SPECC1: variants seen among roughly 807,000 people sequenced by gnomAD.
SPECC1 encodes the protein cytospin-B.
Under a neutral mutation model 104.1 loss-of-function variants are expected in SPECC1, and 62 were observed. The observed-to-expected ratio is 0.60, with a 90% CI of 0.49 to 0.74. SPECC1 has a LOEUF of 0.74. Among genes scored for constraint, SPECC1 ranks in the 30% least tolerant of loss-of-function variants. The probability of loss-of-function intolerance (pLI) is 0.00; values close to 1 mark genes in which losing one functional copy is unlikely to be tolerated. For synonymous variants in SPECC1, 513 were observed against 501.6 expected, an observed-to-expected ratio of 1.02 and a Z score of -0.30; for missense variants, 1,306 against 1,310.5, an observed-to-expected ratio of 1.00 and a Z score of 0.05.
intron 12 of SPECC1, among the ~76,000 whole-genome samples, chr17:20,267,803 C>T (rs1482305179): frequency 6.6e-6 from 1 of 152,162 alleles, no homozygotes. Context: ...TGTGTAGTGC[C>T]ACCGGGTCCT....
chr17:20,136,225 A>G (rs1001594962), intron 3 of SPECC1, among the ~76,000 whole-genome samples: 1 of 152,104 alleles, frequency 6.6e-6, no homozygotes, highest in African/African-American at 2.4e-5. Flanking sequence ...GGAGTTCAAG[A>G]CCATCCTGAC....
At chr17:20,091,825 A>C (rs997572153) in intron 1 of SPECC1, among the ~76,000 whole-genome samples, 1 of 151,242 alleles carries the variant, frequency 6.6e-6, no homozygotes, top group Non-Finnish European at 1.5e-5. Context: ...ACTCCTGGAG[A>C]CTCGTCATTA....
intron 3 of SPECC1, chr17:20,155,819 C>A: frequency 1.4e-6 from 1 of 695,402 alleles, no homozygotes; most frequent in Non-Finnish European, 1.8e-6. Flanking sequence ...GCCGGTCAGC[C>A]GGTGCGTCCC....
At chr17:20,248,328 T>C (rs1194192504) in intron 9 of SPECC1, among the ~76,000 whole-genome samples, 3 of 152,140 alleles carry the variant, frequency 2.0e-5, no homozygotes, top group Non-Finnish European at 4.4e-5. Context: ...GTACACCCTT[T>C]AGCTTCCCAG....
At chr17:20,113,428 C>T (rs2048592651) in intron 3 of SPECC1, among the ~76,000 whole-genome samples, 1 of 151,968 alleles carries the variant, frequency 6.6e-6, no homozygotes, top group South Asian at 2.1e-4. Context: ...ATTGTAAAAA[C>T]TTTACGAAAA....
At chr17:20,062,822 A>G (rs930574068) in intron 1 of SPECC1, among the ~76,000 whole-genome samples, 2 of 151,862 alleles carry the variant, frequency 1.3e-5, no homozygotes, top group Admixed American at 1.3e-4. Flanking sequence ...CCGAGTAGCA[A>G]GGATTACAGG....
chr17:20,033,846 G>C (rs996614349), intron 1 of SPECC1, among the ~76,000 whole-genome samples: 1 of 152,104 alleles, frequency 6.6e-6, no homozygotes, highest in Non-Finnish European at 1.5e-5. Flanking sequence ...ACCCTAACAG[G>C]GTTAAACCCC....
chr17:20,148,493 C>G lies in SPECC1; in HGVS notation c.283+37931C>G, dbSNP rs146694045. On this transcript the variant is annotated intron_variant, in intron 3 of 14. Transcript: ENST00000395527. ...TTATTTTAACATTTATGTATTTTTCCAAATAAATGTATTTTTAACTCAAAA... is the reference window on the plus strand; with the variant it reads ...TTATTTTAACATTTATGTATTTTTCGAAATAAATGTATTTTTAACTCAAAA... Among the ~76,000 whole-genome samples the G allele has an allele frequency of 8.1e-3, 1,147 of 141,634 alleles. 17 individuals are homozygous for G. The highest frequency in any genetic ancestry group is 0.029 in the African/African-American group (1,092 of 37,786). The allele number at this position is 141,634 out of a possible 152,430, so 92.9% of individuals were successfully genotyped here. A position where few individuals can be genotyped will look rare whatever the true frequency, so the allele number is the denominator to read the frequency against.
chr17:20,315,111 C>T lies in SPECC1; in HGVS notation c.*1046C>T, dbSNP rs2042023466. The T allele has an allele frequency of 4.3e-6, 1 of 233,044 alleles. No individual in the cohort carries two copies. The highest frequency in any genetic ancestry group is 8.5e-6 in the Non-Finnish European group (1 of 117,976). The allele number at this position is 233,044 out of a possible 1,614,324, so 14.4% of individuals were successfully genotyped here. On this transcript the variant is annotated 3_prime_UTR_variant, in exon 15 of 15. Transcript: ENST00000395527. Reference sequence around the variant, plus strand: ...ACAGGAGGTCACATGTGTGAATGGCCTGTGTCTGCTTTACAGGGTTGAGCA... The same window carrying T: ...ACAGGAGGTCACATGTGTGAATGGCTTGTGTCTGCTTTACAGGGTTGAGCA...
At chr17:20,015,610 A>G (rs1440104881) in intron 1 of SPECC1, among the ~76,000 whole-genome samples, 2 of 69,648 alleles carry the variant, frequency 2.9e-5, no homozygotes, top group Non-Finnish European at 6.4e-5. Context: ...TTTGAGGTGG[A>G]GTCTCGCTCT....
At chr17:20,111,763 T>TG in intron 3 of SPECC1, 1 of 596,560 alleles carries the variant, frequency 1.7e-6, no homozygotes. Flanking sequence ...GAGAAAAAGG[T>TG]GGGAGGAGGA....
At chr17:20,154,397 T>C (rs1249967010) in intron 3 of SPECC1, among the ~76,000 whole-genome samples, 1 of 152,142 alleles carries the variant, frequency 6.6e-6, no homozygotes, top group East Asian at 1.9e-4. Flanking sequence ...ATAAGGTCTA[T>C]GCAGTGTAGG....
At chr17:20,017,945 C>G (rs2044212871) in intron 1 of SPECC1, 1 of 152,266 alleles carries the variant, frequency 6.6e-6, no homozygotes, top group African/African-American at 2.4e-5. Context: ...TTTATGTGTT[C>G]ATCTTCGAAG....
intron 3 of SPECC1, among the ~76,000 whole-genome samples, chr17:20,181,221 GAA>G (rs2034861666): frequency 6.6e-6 from 1 of 151,888 alleles, no homozygotes. Context: ...TATAAGAAAA[GAA>G]AGACTGAAAA....
At chr17:20,120,665 A>T (rs1473037300) in intron 3 of SPECC1, among the ~76,000 whole-genome samples, 1 of 152,202 alleles carries the variant, frequency 6.6e-6, no homozygotes, top group African/African-American at 2.4e-5. Context: ...CAAGTTTTCT[A>T]CGATGCATAG....
At chr17:20,154,291 A>AGG (rs1201876266) in intron 3 of SPECC1, among the ~76,000 whole-genome samples, 1 of 152,134 alleles carries the variant, frequency 6.6e-6, no homozygotes, top group African/African-American at 2.4e-5. Flanking sequence ...GTGTGTGCTG[A>AGG]GGGTCTGGCT....
At chr17:20,210,699 C>T (rs535516930) in intron 4 of SPECC1, among the ~76,000 whole-genome samples, 1 of 152,210 alleles carries the variant, frequency 6.6e-6, no homozygotes, top group Non-Finnish European at 1.5e-5. Context: ...ACTCCCTCAC[C>T]TTTTCCCACA....
rs546570138 is a variant in SPECC1 at position 20,166,326 on chromosome 17, G to T, written c.284-38007G>T. Among the ~76,000 whole-genome samples the T allele has an allele frequency of 1.5e-3, 226 of 152,256 alleles. 1 individual carries two copies. The highest frequency in any genetic ancestry group is 1.4e-3 in the South Asian group (7 of 4,828). On this transcript the variant is annotated intron_variant, in intron 3 of 14. Coordinates refer to ENST00000395527, the MANE Select transcript of SPECC1 (RefSeq NM_001243439.2). ...ATTTTTTCAAAATTATCATGGAATGGTTAATATATTGATCTATTCTAAGGC... is the reference window on the plus strand; with the variant it reads ...ATTTTTTCAAAATTATCATGGAATGTTTAATATATTGATCTATTCTAAGGC...
Position 20,205,349 on chromosome 17 carries a change from G to A in SPECC1, c.1300G>A (p.Glu434Lys), listed in dbSNP as rs753216306. 8 of 1,613,850 alleles carry A rather than the reference G, an allele frequency of 5.0e-6. No individual in the cohort carries two copies. Among genetic ancestry groups the A allele is most frequent in the African/African-American group, 1.3e-5 (1 of 74,886 alleles). Residue 434 changes from glutamate (E) to lysine (K), a missense_variant, in exon 4 of 15, where the codon GAG becomes AAG. Physicochemically the swap from Glu to Lys is moderately conservative, Grantham distance 56. This residue lies in a region of SPECC1 where 1,177 missense variants were observed against 1,139.9 expected (regional missense o/e 1.03). Transcript: ENST00000395527. ...CTTTCATCAGCATCGAGAGAGGGCA[G>A]AGCAGCTAAGTCAAGAAAATGAGAA... ...TSFHQHRERA[E>K]QLSQENEKLM...
Sources: allele counts gnomAD v4.1 joint callset (sites outside exome capture counted in the v4.1 genomes callset), GRCh38; gene constraint gnomAD v4.1.1; regional missense constraint gnomAD v4.1.1; transcripts MANE v1.5; gene names NCBI Gene and HGNC (gene_info 2026-07-23, HGNC 2026-07-21).